The following MGAM variants were observed in gnomAD, a reference collection of about 807,000 sequenced individuals.
MGAM encodes alpha-1,4-glucosidase.
A neutral mutation model predicts 358.8 loss-of-function variants in MGAM; 253 were observed. The observed-to-expected ratio is 0.71, with a 90% CI of 0.64 to 0.78. MGAM has a LOEUF of 0.78. Ranked by LOEUF, MGAM falls within the 30% of genes least tolerant of loss-of-function variation. The pLI is 0.00. For synonymous variants in MGAM, 1,105 were observed against 1,227.1 expected (o/e 0.90, Z 2.08); for missense variants, 3,080 against 3,432.6 (o/e 0.90, Z 2.57).
Position 142,054,771 on chromosome 7 carries a change from G to T in MGAM, c.3177G>T (p.Lys1059Asn), listed in dbSNP as rs371468966. Residue 1059 changes from lysine (K) to asparagine (N), a missense_variant, in exon 27 of 71, where the codon AAG becomes AAT. By Grantham distance (94) the Lys-to-Asn change is moderately conservative (BLOSUM62 0). Transcript: ENST00000475668. ...MLQFKIYDPN[K>N]NRYEVPVPLN... is the part of the protein sequence containing the mutation. ...TGGCCTAGATTTATGATCCCAACAA[G>T]AATCGGTATGAAGTTCCAGTCCCTC... The T allele has an allele frequency of 4.3e-6, 7 of 1,613,780 alleles. No individual in the cohort carries two copies. The highest frequency in any genetic ancestry group is 2.2e-5 in the South Asian group (2 of 91,060).
chr7:142,006,839 T>C (rs1328380874), intron 2 of MGAM, among the ~76,000 whole-genome samples: 1 of 152,136 alleles, frequency 6.6e-6, no homozygotes, highest in Non-Finnish European at 1.5e-5. Context: ...TCTGGTGTTA[T>C]TTGTCAGTCC....
chr7:142,019,142 A>G (rs1806203791), intron 3 of MGAM, 57 bp from the exon 4 acceptor site: 7 of 1,566,882 alleles, frequency 4.5e-6, no homozygotes, highest in Non-Finnish European at 6.1e-6. Context: ...TTCGTGCTTT[A>G]TAAATGATCA....
At chr7:142,081,630 A>G (rs73524525) in intron 50 of MGAM, among the ~76,000 whole-genome samples, 1 of 146,138 alleles carries the variant, frequency 6.8e-6, no homozygotes, top group African/African-American at 2.4e-5. Flanking sequence ...AAGGCTTCAT[A>G]AGATGTTTGC....
At chr7:142,040,401 G>A in intron 20 of MGAM, 1 of 585,990 alleles carries the variant, frequency 1.7e-6, no homozygotes, top group Non-Finnish European at 3.0e-6. Context: ...AAGATAGGCT[G>A]ACATAGTATC....
intron 70 of MGAM, among the ~76,000 whole-genome samples, chr7:142,104,640 C>T (rs1017687816): frequency 2.0e-5 from 3 of 152,164 alleles, no homozygotes; most frequent in African/African-American, 4.8e-5. Context: ...TTCAGCCCAT[C>T]CATTCATAAC....
At chr7:142,021,851 G>T (rs187664707) in intron 6 of MGAM, 114 bp downstream of exon 6, 5 of 1,105,136 alleles carry the variant, frequency 4.5e-6, no homozygotes, top group Admixed American at 2.0e-5. Flanking sequence ...CCCATTATTG[G>T]TGACCAGAAC....
chr7:142,050,513 G>C (rs1248282987), intron 23 of MGAM, among the ~76,000 whole-genome samples, 184 bp from the exon 24 acceptor site: 1 of 152,100 alleles, frequency 6.6e-6, no homozygotes, highest in Non-Finnish European at 1.5e-5. Flanking sequence ...GTGTTTTTAT[G>C]ATCGTTTTAA....
upstream of MGAM, among the ~76,000 whole-genome samples, chr7:141,994,868 G>A (rs907165202): frequency 3.3e-5 from 5 of 152,162 alleles, no homozygotes; most frequent in Admixed American, 2.0e-4. Context: ...CCACCCTTGC[G>A]GAACTGAGTC....
intron 43 of MGAM, 101 bp from the exon 44 acceptor site, chr7:142,070,893 G>A (rs937600997): frequency 2.1e-6 from 3 of 1,423,896 alleles, no homozygotes; most frequent in African/African-American, 2.7e-5. Context: ...GTGATGAACA[G>A]GCATAAGTTC....
At chr7:142,091,095 A>C (rs1815340136) in intron 57 of MGAM, among the ~76,000 whole-genome samples, 1 of 144,648 alleles carries the variant, frequency 6.9e-6, no homozygotes, top group African/African-American at 2.4e-5. Context: ...AGAAATACAA[A>C]AATTAGCCAG....
chr7:142,102,944 C>T (rs1043568281), intron 69 of MGAM, among the ~76,000 whole-genome samples: 6 of 152,182 alleles, frequency 3.9e-5, no homozygotes, highest in Non-Finnish European at 7.3e-5. Context: ...TTATCTAGCC[C>T]TTGTTCCTGA....
rs534178964 is a variant in MGAM at position 142,013,683 on chromosome 7, G to C, written c.327+4978G>C. Among the ~76,000 whole-genome samples, 13 of 152,256 alleles carry C rather than the reference G, an allele frequency of 8.5e-5. No individual in the cohort carries two copies. The South Asian group carries it at 2.5e-3, about 29-fold the overall frequency. On this transcript the variant is annotated intron_variant, in intron 3 of 70. Coordinates refer to ENST00000475668, the MANE Select transcript of MGAM (RefSeq NM_001365693.1). ...TTTTTATACAAAAATATGTGAGAAAGTATTTTTAAAACTAAAAGGCCCACA... is the reference window on the plus strand; with the variant it reads ...TTTTTATACAAAAATATGTGAGAAACTATTTTTAAAACTAAAAGGCCCACA...
At chr7:142,030,303 AT>A in intron 10 of MGAM, 58 bp from the exon 11 acceptor site, 1 of 1,561,042 alleles carries the variant, frequency 6.4e-7, no homozygotes, top group South Asian at 1.2e-5. Flanking sequence ...TGAAAATTTG[AT>A]TTCATTTTAC....
At chr7:142,069,025 A>C (rs1813095504) in intron 43 of MGAM, among the ~76,000 whole-genome samples, 1 of 146,448 alleles carries the variant, frequency 6.8e-6, no homozygotes, top group Admixed American at 6.9e-5. Context: ...ATGCTAGCCA[A>C]CATCTGAGAT....
intron 67 of MGAM, among the ~76,000 whole-genome samples, chr7:142,100,494 CA>C (rs1268917596): frequency 6.6e-6 from 1 of 152,158 alleles, no homozygotes; most frequent in Non-Finnish European, 1.5e-5. Flanking sequence ...GTCACGAAAA[CA>C]GATTTTCAGC....
At chr7:142,039,193 A>G (rs1200723317) in intron 19 of MGAM, among the ~76,000 whole-genome samples, 2 of 149,210 alleles carry the variant, frequency 1.3e-5, no homozygotes, top group Admixed American at 6.7e-5. Context: ...GCAACCTCCA[A>G]CTCCTGGGTT....
At chr7:142,048,113 CTTTTTATTTATTTATT>C (rs373103788) in intron 22 of MGAM, among the ~76,000 whole-genome samples, 7,227 of 147,652 alleles carry the variant, frequency 0.049, 210 homozygotes, top group Middle Eastern at 0.11. Flanking sequence ...CTATAATAGG[CTTTTTATTTATTTATT>C]TATTTATTTA....
chr7:142,026,352 C>T (rs1806968981), intron 8 of MGAM, among the ~76,000 whole-genome samples: 1 of 152,110 alleles, frequency 6.6e-6, no homozygotes, highest in African/African-American at 2.4e-5. Context: ...AACTTTTCCT[C>T]TAACCTCTTA....
chr7:142,031,915 ACTCT>A (rs1807535110), intron 13 of MGAM, 122 bp downstream of exon 13: 1 of 624,596 alleles, frequency 1.6e-6, no homozygotes, highest in South Asian at 2.1e-5. Flanking sequence ...TATAACAATC[ACTCT>A]CAATATTCAC....
Sources: gnomAD v4.1 joint callset for allele counts (sites outside exome capture counted in the v4.1 genomes callset) on GRCh38, gnomAD v4.1.1 for gene constraint, MANE v1.5 for transcripts, NCBI Gene and HGNC (gene_info 2026-07-23, HGNC 2026-07-21) for gene names.